The following SETD5 variants were observed in gnomAD, a reference collection of about 807,000 sequenced individuals.
The protein encoded by SETD5 is SET domain containing 5, also known as histone-lysine N-methyltransferase SETD5.
A neutral mutation model predicts 153.3 loss-of-function variants in SETD5; 44 were observed. The observed-to-expected ratio is 0.29, with a 90% confidence interval of 0.23 to 0.37. The LOEUF (loss-of-function observed/expected upper bound fraction) is 0.37, where lower values mean the gene tolerates loss of function less well. SETD5 is among the 10% of genes least tolerant of loss of function. The probability of loss-of-function intolerance (pLI) is 1.00; values close to 1 mark genes in which losing one functional copy is unlikely to be tolerated. For synonymous variants in SETD5, 716 were observed against 645.2 expected (o/e 1.11, Z -1.66); for missense variants, 1,544 against 1,768.0 (o/e 0.87, Z 2.27).
intron 1 of SETD5, among the ~76,000 whole-genome samples, chr3:9,420,618 A>AGTGTTT: frequency 6.6e-6 from 1 of 152,284 alleles, no homozygotes; most frequent in East Asian, 1.9e-4. Flanking sequence ...CTCAGTGCTT[A>AGTGTTT]CCCCAATCAG....
In SETD5 at chr3:9,440,464, C is replaced by T. The variant is rs1158156244; in HGVS notation, c.576C>T (p.Pro192=). 16 of 1,539,626 alleles carry T rather than the reference C, an allele frequency of 1.0e-5. No homozygotes were observed. The highest frequency in any genetic ancestry group is 1.4e-5 in the Non-Finnish European group (16 of 1,112,366). The change falls in exon 8 of 23, where the codon CCC becomes CCT. Residue 192 remains proline, a synonymous_variant. Coordinates refer to ENST00000402198, the MANE Select transcript of SETD5 (RefSeq NM_001080517.3). The part of the protein sequence containing the change: ...APKTKKIKNS[P]SEAQNLDENT... Reference sequence around the variant, plus strand: ...GAATTTGTTTTCTACAGAATTCTCCCTCTGAAGCACAGAATTTAGATGAGA... The same window carrying T: ...GAATTTGTTTTCTACAGAATTCTCCTTCTGAAGCACAGAATTTAGATGAGA...
At chr3:9,435,702 T>G in intron 6 of SETD5, 26 bp from the exon 7 acceptor site, 2 of 1,544,266 alleles carry the variant, frequency 1.3e-6, no homozygotes, top group Admixed American at 2.1e-5. Context: ...TATTAGTACC[T>G]GAACTATGAA....
chr3:9,464,384 T>C lies in SETD5; in HGVS notation c.2477-41T>C, dbSNP rs2044320295. Reference sequence around the variant, plus strand: ...GCTTTACTGTAGAGCCTTAAATTAATCTGTGGTTTCAAACTCTCATCCAAG... The same window carrying C: ...GCTTTACTGTAGAGCCTTAAATTAACCTGTGGTTTCAAACTCTCATCCAAG... On this transcript the variant is annotated intron_variant, in intron 17 of 22. Coordinates refer to ENST00000402198, the MANE Select transcript of SETD5 (RefSeq NM_001080517.3). 3.2e-6 allele frequency: 5 copies of C among 1,586,470 alleles called. No individual in the cohort carries two copies. The East Asian group carries it at 1.1e-4, about 36-fold the overall frequency.
At chr3:9,448,715 AAAT>A (rs2042292080) in intron 16 of SETD5, 85 bp downstream of exon 16, 2 of 1,340,164 alleles carry the variant, frequency 1.5e-6, no homozygotes, top group African/African-American at 3.0e-5. Context: ...ATCATGACAT[AAAT>A]AAAATGTTCT....
chr3:9,455,551 T>C (rs1480887068), intron 17 of SETD5, among the ~76,000 whole-genome samples: 1 of 152,212 alleles, frequency 6.6e-6, no homozygotes, highest in Non-Finnish European at 1.5e-5. Context: ...TTTAAAATAT[T>C]TTCTTCTAGT....
intron 7 of SETD5, among the ~76,000 whole-genome samples, chr3:9,436,410 A>G (rs1157686591): frequency 6.6e-6 from 1 of 152,180 alleles, no homozygotes; most frequent in Non-Finnish European, 1.5e-5. Flanking sequence ...TACGGGAGAA[A>G]CTTCTTCTGG....
At position 9,442,118 on chromosome 3, in the gene SETD5, G is replaced by T; in HGVS notation, c.960-10G>T. The T allele has an allele frequency of 6.4e-7, 1 of 1,565,676 alleles. No homozygotes were observed. The highest frequency in any genetic ancestry group is 2.2e-5 in the East Asian group (1 of 44,524). On this transcript the variant is annotated splice_polypyrimidine_tract_variant and intron_variant, in intron 9 of 22. Transcript: ENST00000402198. ...GTTGAGAATTACAGGAATTTTAATT[G>T]TATCCCTAGACCATACCCCTTTGTG...
chr3:9,415,762 T>C (rs891306681), intron 1 of SETD5, among the ~76,000 whole-genome samples: 3 of 151,998 alleles, frequency 2.0e-5, no homozygotes, highest in African/African-American at 7.3e-5. Context: ...GCTGTCTTAT[T>C]GTGTTGCCCA....
intron 17 of SETD5, 144 bp downstream of exon 17, chr3:9,454,012 G>A (rs757753982): frequency 4.2e-6 from 4 of 963,750 alleles, no homozygotes; most frequent in Non-Finnish European, 5.6e-6. Flanking sequence ...CAGAGGAAGA[G>A]AGAGATCTCA....
chr3:9,416,736 A>G (rs2037530394), intron 1 of SETD5, among the ~76,000 whole-genome samples: 1 of 152,144 alleles, frequency 6.6e-6, no homozygotes, highest in African/African-American at 2.4e-5. Context: ...TACCCATTAT[A>G]AGGATAAACA....
intron 1 of SETD5, chr3:9,398,727 G>A (rs1234340958): frequency 1.3e-5 from 2 of 152,230 alleles, no homozygotes; most frequent in Non-Finnish European, 2.9e-5. Flanking sequence ...TTCCCTCTGC[G>A]TGTAAGTCGG....
chr3:9,425,055 CTTT>C (rs778883904), intron 2 of SETD5, among the ~76,000 whole-genome samples: 1,086 of 83,584 alleles, frequency 0.013, 13 homozygotes, highest in African/African-American at 0.05. Flanking sequence ...GACAATGTTT[CTTT>C]TTTTTTTTTT....
intron 8 of SETD5, 100 bp from the exon 9 acceptor site, chr3:9,441,493 C>A: frequency 8.6e-7 from 1 of 1,166,392 alleles, no homozygotes. Context: ...ACAGATAAAA[C>A]CTGAAAATAT....
In SETD5 at chr3:9,461,065, G is replaced by C. The variant is rs558843316; in HGVS notation, c.2477-3360G>C. ...TACATTTGTAATTTTATTGACAAGG[G>C]GTCAACATTCTTACTATTTAAAGAG... On this transcript the variant is annotated intron_variant, in intron 17 of 22. Coordinates refer to ENST00000402198, the MANE Select transcript of SETD5 (RefSeq NM_001080517.3). Among the ~76,000 whole-genome samples, 259 of 151,960 alleles carry C rather than the reference G, an allele frequency of 1.7e-3. 1 individual carries two copies. Among genetic ancestry groups the C allele is most frequent in the African/African-American group, 6.0e-3 (248 of 41,448 alleles).
At position 9,434,325 on chromosome 3, in the gene SETD5, C is replaced by T. The variant is rs749600092; in HGVS notation, c.178-9C>T. ...TCCTCCGACACCTCCTGCTTCTCCC[C>T]CTGTCCAGACGATCATCCCTCGTTC... is the stretch of plus-strand genomic sequence containing the variant. On this transcript the variant is annotated splice_polypyrimidine_tract_variant and intron_variant, in intron 4 of 22. Coordinates refer to ENST00000402198, the MANE Select transcript of SETD5 (RefSeq NM_001080517.3). This position sits in a 1 kb window ranked among gnomAD's most constrained non-coding sequence, Gnocchi z 5.6. 3 of 1,613,750 alleles carry T rather than the reference C, an allele frequency of 1.9e-6. No individual in the cohort carries two copies. Among genetic ancestry groups the T allele is most frequent in the East Asian group, 2.2e-5 (1 of 44,884 alleles).
intron 1 of SETD5, among the ~76,000 whole-genome samples, chr3:9,413,649 G>GGTGTGTGTGTGTGTGT (rs1160123997): frequency 2.1e-5 from 3 of 140,366 alleles, no homozygotes; most frequent in Non-Finnish European, 3.1e-5. Flanking sequence ...GGGGAGGCGG[G>GGTGTGTGTGTGTGTGT]GTGTGTGTGT....
At chr3:9,416,965 AAGC>A (rs765438534) in intron 1 of SETD5, among the ~76,000 whole-genome samples, 6 of 152,172 alleles carry the variant, frequency 3.9e-5, no homozygotes, top group Non-Finnish European at 5.9e-5. Flanking sequence ...TAAAAAATAA[AAGC>A]ATGAATAGTG....
intron 7 of SETD5, among the ~76,000 whole-genome samples, chr3:9,439,251 A>G (rs1336592639): frequency 1.3e-5 from 2 of 152,030 alleles, no homozygotes; most frequent in African/African-American, 4.8e-5. Context: ...CCCTTTGTTT[A>G]TTGTTCAGTC....
At chr3:9,464,291 T>G in intron 17 of SETD5, 134 bp from the exon 18 acceptor site, 1 of 1,212,780 alleles carries the variant, frequency 8.2e-7, no homozygotes. Flanking sequence ...TTTGGTTGGA[T>G]TGGAGGAGAT....
Sources: gnomAD v4.1 joint callset for allele counts (sites outside exome capture counted in the v4.1 genomes callset) on GRCh38, gnomAD v4.1.1 for gene constraint, Gnocchi (gnomAD v3.1) non-coding constraint, MANE v1.5 for transcripts, NCBI Gene and HGNC (gene_info 2026-07-23, HGNC 2026-07-21) for gene names.